HPCAL4: variants seen among roughly 807,000 people sequenced by gnomAD.
The protein encoded by HPCAL4 is hippocalcin like 4.
HPCAL4 carries 16 observed loss-of-function variants against 18.2 expected under a neutral mutation model. That is an observed-to-expected ratio of 0.88 (90% CI 0.59 to 1.33). HPCAL4 has a LOEUF of 1.33. Among genes scored for constraint, HPCAL4 ranks in the 40% most tolerant of loss-of-function variants. The pLI is 0.00. For missense variants in HPCAL4, 214 were observed against 256.6 expected, an observed-to-expected ratio of 0.83 and a Z score of 1.14; for synonymous variants, 80 against 97.5, an observed-to-expected ratio of 0.82 and a Z score of 1.06.
intron 1 of HPCAL4, among the ~76,000 whole-genome samples, chr1:39,685,671 T>A (rs373913807): frequency 2.7e-4 from 41 of 149,370 alleles, no homozygotes; most frequent in Admixed American, 4.6e-4. Context: ...CGAAGTCAGG[T>A]GATCAAGACC....
At chr1:39,686,114 G>A (rs1646672506) in intron 1 of HPCAL4, among the ~76,000 whole-genome samples, 1 of 151,090 alleles carries the variant, frequency 6.6e-6, no homozygotes, top group African/African-American at 2.4e-5. Flanking sequence ...CCCAGAGGCG[G>A]AGCTTGCGGT....
chr1:39,683,075 G>A (rs1646641181), intron 3 of HPCAL4, among the ~76,000 whole-genome samples: 1 of 151,928 alleles, frequency 6.6e-6, no homozygotes, highest in African/African-American at 2.4e-5. Context: ...GTAGAGACGG[G>A]GTTTCACCAT....
rs1444480832 is a variant in HPCAL4, at chr1:39,680,112, G to T, written c.*2424C>A. 1 of 152,636 alleles carries T rather than the reference G, an allele frequency of 6.6e-6. No individual in the cohort carries two copies. The allele number at this position is 152,636 out of a possible 1,614,324, so 9.5% of individuals were successfully genotyped here. A position where few individuals can be genotyped will look rare whatever the true frequency, so the allele number is the denominator to read the frequency against. ...TTTTTTTTGGAAGACCACAATCTCA[G>T]AAGCTTTTTAGCAGGAAGCCTATAA... On this transcript the variant is annotated 3_prime_UTR_variant, in exon 4 of 4. Coordinates refer to ENST00000372844, the MANE Select transcript of HPCAL4 (RefSeq NM_016257.4).
Position 39,682,226 on chromosome 1 carries a change from C to T in HPCAL4, c.*310G>A, listed in dbSNP as rs114852720. On this transcript the variant is annotated 3_prime_UTR_variant, in exon 4 of 4. Transcript: ENST00000372844. ...GGATCAAGAGAATTCCTAACCAGAA[C>T]CCCAGGCCCCCAACTCCTTAACCTC... is the stretch of plus-strand genomic sequence containing the variant. The T allele has an allele frequency of 3.5e-3, 1,260 of 363,530 alleles. 19 individuals are homozygous for T. Among genetic ancestry groups the T allele is most frequent in the African/African-American group, 0.023 (1,133 of 48,622 alleles). The allele number at this position is 363,530 out of a possible 1,614,324, so 22.5% of individuals were successfully genotyped here.
In HPCAL4 at chr1:39,682,345, C is replaced by T. The variant is rs541495768; in HGVS notation, c.*191G>A. 6 of 598,772 alleles carry T rather than the reference C, an allele frequency of 1.0e-5. No homozygotes were observed. In the South Asian group the frequency reaches 1.2e-4, roughly 12 times the overall value. 37.1% of individuals were successfully genotyped at this position (598,772 alleles called of 1,614,324 possible). A position where few individuals can be genotyped will look rare whatever the true frequency, so the allele number is the denominator to read the frequency against. On this transcript the variant is annotated 3_prime_UTR_variant, in exon 4 of 4. Coordinates refer to ENST00000372844, the MANE Select transcript of HPCAL4 (RefSeq NM_016257.4). ...GCTAGAAGACAGGGTACTGGAGGAC[C>T]TGTCTCTTTTGCAGGGTGAGGTGGT...
chr1:39,684,200 C>T, intron 2 of HPCAL4, 48 bp from the exon 3 acceptor site: 1 of 1,465,498 alleles, frequency 6.8e-7, no homozygotes, highest in Admixed American at 1.9e-5. Context: ...CCCGCCCACC[C>T]CGCCCCCATC....
chr1:39,682,753 G>T lies in HPCAL4; in HGVS notation c.379-20C>A. 1 of 1,612,530 alleles carries T rather than the reference G, an allele frequency of 6.2e-7. No individual in the cohort carries two copies. The highest frequency in any genetic ancestry group is 1.1e-5 in the South Asian group (1 of 91,050). On this transcript the variant is annotated intron_variant, in intron 3 of 3. Coordinates refer to ENST00000372844, the MANE Select transcript of HPCAL4 (RefSeq NM_016257.4). ...GATTGCCTGGTGAGGGAAGGAGGAGGGAGGTGTGAACACCCACAAGGGGCC... is the reference window on the plus strand; with the variant it reads ...GATTGCCTGGTGAGGGAAGGAGGAGTGAGGTGTGAACACCCACAAGGGGCC...
chr1:39,682,295 T>G lies in HPCAL4; in HGVS notation c.*241A>C. ...CAACTCCCCTATGCCCAATGGACAT[T>G]GGTTCTGGCCAAGTGGGAGGTGGGG... is the stretch of plus-strand genomic sequence containing the variant. On this transcript the variant is annotated 3_prime_UTR_variant, in exon 4 of 4. Coordinates refer to ENST00000372844, the MANE Select transcript of HPCAL4 (RefSeq NM_016257.4). The G allele has an allele frequency of 1.9e-6, 1 of 536,526 alleles. No homozygotes were observed. The highest frequency in any genetic ancestry group is 3.4e-6 in the Non-Finnish European group (1 of 297,034). 33.2% of individuals were successfully genotyped at this position (536,526 alleles called of 1,614,324 possible).
intron 1 of HPCAL4, 187 bp downstream of exon 1, chr1:39,691,119 G>A (rs1223975601): frequency 6.5e-6 from 1 of 152,816 alleles, no homozygotes; most frequent in African/African-American, 2.4e-5. Context: ...CATGGGCCTG[G>A]ACTGAGGTGG....
At chr1:39,690,060 G>A (rs785115) in intron 1 of HPCAL4, among the ~76,000 whole-genome samples, 136,216 of 152,170 alleles carry the variant, frequency 0.9, 61,239 homozygotes, top group East Asian at 1. Flanking sequence ...GAAGGGGCCT[G>A]GAGAATGTGT....
Position 39,683,931 on chromosome 1 carries a change from C to T in HPCAL4, c.378+6G>A, listed in dbSNP as rs375337091. 2 of 1,612,236 alleles carry T rather than the reference C, an allele frequency of 1.2e-6. No homozygotes were observed. The highest frequency in any genetic ancestry group is 2.2e-5 in the East Asian group (1 of 44,858). ...CGGGAACAGCAGCGCCCGCGCGGCC[C>T]CGCACCTCGATGATCTCCAGCATCT... On this transcript the variant is annotated splice_donor_region_variant and intron_variant, in intron 3 of 3. Transcript: ENST00000372844.
At chr1:39,689,234 G>A (rs148181750) in intron 1 of HPCAL4, among the ~76,000 whole-genome samples, 183 of 152,242 alleles carry the variant, frequency 1.2e-3, no homozygotes, top group African/African-American at 4.3e-3. Flanking sequence ...TGGGACCCAT[G>A]AGAGCAGGGG....
At chr1:39,686,267 C>G (rs1299782894) in intron 1 of HPCAL4, among the ~76,000 whole-genome samples, 1 of 151,918 alleles carries the variant, frequency 6.6e-6, no homozygotes, top group Non-Finnish European at 1.5e-5. Context: ...GGGAGGATCA[C>G]TTGAGCCTGG....
chr1:39,686,257 G>A (rs1014203532), intron 1 of HPCAL4, among the ~76,000 whole-genome samples: 15 of 152,032 alleles, frequency 9.9e-5, no homozygotes, highest in Non-Finnish European at 1.9e-4. Context: ...AGGCTAAGAT[G>A]GGAGGATCAC....
chr1:39,679,501 TCA>T lies in HPCAL4; in HGVS notation c.*3033_*3034del, dbSNP rs1646601901. On this transcript the variant is annotated 3_prime_UTR_variant, in exon 4 of 4. Transcript: ENST00000372844. ...AAGGCAGATTCTGGGACCTTGCAAT[TCA>T]CAGAGTTGTTGCAATAAGATTGGAA... The T allele has an allele frequency of 6.6e-6, 1 of 152,228 alleles. No individual in the cohort carries two copies. The highest frequency in any genetic ancestry group is 2.4e-5 in the African/African-American group (1 of 41,452). 9.4% of individuals were successfully genotyped at this position (152,228 alleles called of 1,614,324 possible).
At position 39,679,323 on chromosome 1, in the gene HPCAL4, A is replaced by G. The variant is rs577991598; in HGVS notation, c.*3213T>C. ...TTACTTATGAACTAACTTTTTCTTC[A>G]CTTTTGATATACAGGTAAGTTAAAT... On this transcript the variant is annotated 3_prime_UTR_variant, in exon 4 of 4. Transcript: ENST00000372844. 3 of 152,240 alleles carry G rather than the reference A, an allele frequency of 2.0e-5. No homozygotes were observed. The highest frequency in any genetic ancestry group is 4.4e-5 in the Non-Finnish European group (3 of 68,018). The allele number at this position is 152,240 out of a possible 1,614,324, so 9.4% of individuals were successfully genotyped here. A position where few individuals can be genotyped will look rare whatever the true frequency, so the allele number is the denominator to read the frequency against.
intron 1 of HPCAL4, among the ~76,000 whole-genome samples, chr1:39,686,819 T>C (rs2124195969): frequency 6.6e-6 from 1 of 152,254 alleles, no homozygotes; most frequent in Admixed American, 6.5e-5. Context: ...TCCCAGGACA[T>C]GGCTTGGGAG....
At chr1:39,683,608 A>G (rs1468131751) in intron 3 of HPCAL4, among the ~76,000 whole-genome samples, 1 of 152,234 alleles carries the variant, frequency 6.6e-6, no homozygotes, top group Non-Finnish European at 1.5e-5. Flanking sequence ...GGAATGCCCC[A>G]TGAAAGCAAG....
In HPCAL4 at chr1:39,681,437, T is replaced by C. The variant is rs1316264370; in HGVS notation, c.*1099A>G. 1 of 152,224 alleles carries C rather than the reference T, an allele frequency of 6.6e-6. No individual in the cohort carries two copies. The highest frequency in any genetic ancestry group is 2.4e-5 in the African/African-American group (1 of 41,450). The allele number at this position is 152,224 out of a possible 1,614,324, so 9.4% of individuals were successfully genotyped here. On this transcript the variant is annotated 3_prime_UTR_variant, in exon 4 of 4. Transcript: ENST00000372844. Reference sequence around the variant, plus strand: ...ACTCTTTGCAAACCTTGCTTTTTCCTGTCCCTGAAGTCAGCACCCAACCGG... The same window carrying C: ...ACTCTTTGCAAACCTTGCTTTTTCCCGTCCCTGAAGTCAGCACCCAACCGG...
Sources: allele counts gnomAD v4.1 joint callset (sites outside exome capture counted in the v4.1 genomes callset), GRCh38; gene constraint gnomAD v4.1.1; transcripts MANE v1.5; gene names NCBI Gene and HGNC (gene_info 2026-07-23, HGNC 2026-07-21).